The following ST3GAL3 variants were observed in gnomAD, a reference collection of about 807,000 sequenced individuals.
ST3GAL3 encodes CMP-N-acetylneuraminate-beta-1,4-galactoside alpha-2,3-sialyltransferase.
Under a neutral mutation model 50.1 loss-of-function variants are expected in ST3GAL3, and 21 were observed. The ratio of observed to expected loss-of-function variants is 0.42; its 90% confidence interval spans 0.30 to 0.60. The LOEUF is 0.60. Among genes scored for constraint, ST3GAL3 ranks in the 20% least tolerant of loss-of-function variants. The pLI is 0.19. For synonymous variants in ST3GAL3, 183 were observed against 190.0 expected, an observed-to-expected ratio of 0.96 and a Z score of 0.30; for missense variants, 353 against 489.4, an observed-to-expected ratio of 0.72 and a Z score of 2.63.
At chr1:43,776,579 T>C (rs757967565) in intron 2 of ST3GAL3, among the ~76,000 whole-genome samples, 3 of 152,182 alleles carry the variant, frequency 2.0e-5, no homozygotes, top group Non-Finnish European at 2.9e-5. Flanking sequence ...TTTTCATTTC[T>C]CTTGGGTACT....
intron 1 of ST3GAL3, among the ~76,000 whole-genome samples, chr1:43,731,137 A>G (rs896279922): frequency 1.3e-5 from 2 of 151,774 alleles, no homozygotes; most frequent in Non-Finnish European, 2.9e-5. Flanking sequence ...GGCTCAACAA[A>G]TCCTACCTTA....
chr1:43,813,798 A>G (rs1203445254), intron 3 of ST3GAL3, among the ~76,000 whole-genome samples: 1 of 151,634 alleles, frequency 6.6e-6, no homozygotes, highest in Non-Finnish European at 1.5e-5. Flanking sequence ...ATTCTGTTTT[A>G]TCCTCAGATT....
At chr1:43,834,458 T>G (rs1233102408) in intron 4 of ST3GAL3, among the ~76,000 whole-genome samples, 1 of 152,210 alleles carries the variant, frequency 6.6e-6, no homozygotes, top group Admixed American at 6.5e-5. Flanking sequence ...GTTGTTGAGG[T>G]TGGTGGTGAC....
At chr1:43,910,940 A>G (rs1004647453) in intron 9 of ST3GAL3, among the ~76,000 whole-genome samples, 3 of 152,168 alleles carry the variant, frequency 2.0e-5, no homozygotes, top group African/African-American at 4.8e-5. Flanking sequence ...CCCCAGGTCC[A>G]TCTGCCTTGA....
intron 5 of ST3GAL3, among the ~76,000 whole-genome samples, chr1:43,871,094 A>C (rs2072594893): frequency 6.6e-6 from 1 of 152,184 alleles, no homozygotes; most frequent in Non-Finnish European, 1.5e-5. Flanking sequence ...GGCTTGGGGC[A>C]GTGACAGGAC....
intron 4 of ST3GAL3, among the ~76,000 whole-genome samples, chr1:43,817,610 C>CCCTT (rs879651200): frequency 0.36 from 41,708 of 117,482 alleles, 9,497 homozygotes; most frequent in East Asian, 0.57. Context: ...TTCTCCTTCT[C>CCCTT]CTCCTTCTCC....
At chr1:43,917,435 G>T (rs2081992823) in intron 9 of ST3GAL3, among the ~76,000 whole-genome samples, 2 of 96,088 alleles carry the variant, frequency 2.1e-5, no homozygotes, top group South Asian at 2.7e-4. Flanking sequence ...ATACTATCTT[G>T]CATATATAAT....
intron 10 of ST3GAL3, 84 bp from the exon 11 acceptor site, chr1:43,920,698 A>G: frequency 4.3e-6 from 7 of 1,611,224 alleles, no homozygotes; most frequent in Non-Finnish European, 5.1e-6. Flanking sequence ...GGCTAGCTCT[A>G]GGGAGCTTGG....
intron 3 of ST3GAL3, among the ~76,000 whole-genome samples, chr1:43,796,789 T>C (rs1465715630): frequency 2.0e-5 from 3 of 152,230 alleles, no homozygotes; most frequent in Non-Finnish European, 4.4e-5. Flanking sequence ...CACAGATGTT[T>C]GAATAATCTA....
intron 5 of ST3GAL3, among the ~76,000 whole-genome samples, chr1:43,871,427 G>T (rs1032465941): frequency 6.6e-6 from 1 of 151,754 alleles, no homozygotes; most frequent in Non-Finnish European, 1.5e-5. Flanking sequence ...GGGAGAGGAC[G>T]GGGTGTGAGG....
chr1:43,888,057 A>C (rs1162360626), intron 5 of ST3GAL3, among the ~76,000 whole-genome samples: 3 of 152,132 alleles, frequency 2.0e-5, no homozygotes, highest in African/African-American at 7.2e-5. Context: ...AAACCAGGAG[A>C]AAAAAACAAG....
At chr1:43,792,696 C>G (rs895661639) in intron 3 of ST3GAL3, among the ~76,000 whole-genome samples, 5 of 152,214 alleles carry the variant, frequency 3.3e-5, no homozygotes, top group Non-Finnish European at 5.9e-5. Context: ...TCCTTCTCTT[C>G]CCTGTTTACA....
chr1:43,786,084 G>C (rs1346083762), intron 2 of ST3GAL3, among the ~76,000 whole-genome samples: 2 of 151,850 alleles, frequency 1.3e-5, no homozygotes, highest in Non-Finnish European at 2.9e-5. Flanking sequence ...GCCACCATCA[G>C]TTCTCACCCA....
At chr1:43,752,044 T>G (rs542710395) in intron 2 of ST3GAL3, among the ~76,000 whole-genome samples, 5 of 152,150 alleles carry the variant, frequency 3.3e-5, no homozygotes, top group Non-Finnish European at 7.4e-5. Flanking sequence ...CTCGAACTCC[T>G]GACCTCAGGC....
At chr1:43,719,070 A>T (rs1413128582) in intron 1 of ST3GAL3, 2 of 152,312 alleles carry the variant, frequency 1.3e-5, no homozygotes, top group African/African-American at 4.8e-5. Flanking sequence ...TTTTAAAACC[A>T]TTGTAGATCA....
At chr1:43,834,177 A>G (rs1043266547) in intron 4 of ST3GAL3, among the ~76,000 whole-genome samples, 5 of 152,206 alleles carry the variant, frequency 3.3e-5, no homozygotes, top group Admixed American at 6.5e-5. Flanking sequence ...CAAACACAAC[A>G]AAAAGAAACA....
At chr1:43,795,470 C>T (rs1197187021) in intron 3 of ST3GAL3, among the ~76,000 whole-genome samples, 1 of 152,092 alleles carries the variant, frequency 6.6e-6, no homozygotes, top group East Asian at 1.9e-4. Flanking sequence ...TGCAAGAGGC[C>T]AATAGTTTTG....
At chr1:43,810,706 C>T (rs755385038) in intron 3 of ST3GAL3, among the ~76,000 whole-genome samples, 4 of 152,088 alleles carry the variant, frequency 2.6e-5, no homozygotes, top group South Asian at 4.1e-4. Flanking sequence ...GTACAAGCTC[C>T]GCCAGCCCTA....
intron 2 of ST3GAL3, among the ~76,000 whole-genome samples, chr1:43,746,027 G>C (rs1164586303): frequency 6.6e-6 from 1 of 152,202 alleles, no homozygotes; most frequent in Non-Finnish European, 1.5e-5. Context: ...TTTGCACAAT[G>C]ACGAAATTGC....
Sources: allele counts gnomAD v4.1 joint callset (sites outside exome capture counted in the v4.1 genomes callset), GRCh38; gene constraint gnomAD v4.1.1; transcripts MANE v1.5; gene names NCBI Gene and HGNC (gene_info 2026-07-23, HGNC 2026-07-21).